The following CNTNAP2 variants were observed in gnomAD, a reference collection of about 807,000 sequenced individuals.
CNTNAP2 encodes the protein contactin-associated protein-like 2.
CNTNAP2 carries 98 observed loss-of-function variants against 155.2 expected under a neutral mutation model. The observed-to-expected ratio is 0.63, with a 90% CI of 0.54 to 0.75. CNTNAP2 has a LOEUF of 0.75. Among genes scored for constraint, CNTNAP2 ranks in the 30% least tolerant of loss-of-function variants. The pLI, the probability that CNTNAP2 is intolerant of heterozygous loss-of-function variation, is 0.00. For missense variants in CNTNAP2, 1,727 were observed against 1,688.1 expected, an observed-to-expected ratio of 1.02 and a Z score of -0.40; for synonymous variants, 651 against 631.2, an observed-to-expected ratio of 1.03 and a Z score of -0.47.
intron 15 of CNTNAP2, among the ~76,000 whole-genome samples, chr7:148,113,902 C>T (rs1804408389): frequency 6.6e-6 from 1 of 152,240 alleles, no homozygotes; most frequent in Non-Finnish European, 1.5e-5. Flanking sequence ...CTGACCCTTC[C>T]AGTCTCAGAC....
Position 148,172,203 on chromosome 7 carries a change from G to T in CNTNAP2, c.2774-39G>T, listed in dbSNP as rs776638481. On this transcript the variant is annotated intron_variant, in intron 17 of 23. Coordinates refer to ENST00000361727, the MANE Select transcript of CNTNAP2 (RefSeq NM_014141.6). ...TATGAAGAATTAAGCAATAGCAGAG[G>T]TTATTCCCTCTGAACTCTGTGCCTT... The T allele has an allele frequency of 1.0e-5, 16 of 1,594,242 alleles. No individual in the cohort carries two copies. The East Asian group carries it at 3.3e-4, about 33-fold the overall frequency.
intron 13 of CNTNAP2, among the ~76,000 whole-genome samples, chr7:147,880,822 C>A (rs968694753): frequency 2.7e-5 from 4 of 150,330 alleles, no homozygotes; most frequent in African/African-American, 7.4e-5. Context: ...TAGACCTTAA[C>A]AAAGACCATT....
intron 8 of CNTNAP2, among the ~76,000 whole-genome samples, chr7:147,145,927 C>G (rs890977601): frequency 7.2e-5 from 11 of 152,144 alleles, no homozygotes; most frequent in Admixed American, 7.2e-4. Context: ...TTGTTTTCTA[C>G]AGATGTCAAG....
At chr7:147,267,197 G>A (rs1584831556) in intron 8 of CNTNAP2, among the ~76,000 whole-genome samples, 1 of 152,168 alleles carries the variant, frequency 6.6e-6, no homozygotes, top group African/African-American at 2.4e-5. Context: ...TTTTGGTATT[G>A]CTGTATCCAT....
chr7:146,739,439 C>T (rs1585067610), intron 1 of CNTNAP2, among the ~76,000 whole-genome samples: 1 of 151,870 alleles, frequency 6.6e-6, no homozygotes, highest in East Asian at 1.9e-4. Context: ...TCTTTAATTT[C>T]CATGCATTTG....
At chr7:146,654,137 G>A (rs1003383957) in intron 1 of CNTNAP2, among the ~76,000 whole-genome samples, 1 of 151,992 alleles carries the variant, frequency 6.6e-6, no homozygotes, top group African/African-American at 2.4e-5. Context: ...ATGCATGGGG[G>A]TAGAACTCTA....
intron 1 of CNTNAP2, among the ~76,000 whole-genome samples, chr7:146,356,534 A>T (rs1459679329): frequency 2.0e-5 from 3 of 152,176 alleles, no homozygotes; most frequent in Non-Finnish European, 4.4e-5. Flanking sequence ...ACAGTGTAAG[A>T]CAGTGGAATC....
At chr7:147,102,348 A>G (rs1800674971) in intron 4 of CNTNAP2, among the ~76,000 whole-genome samples, 1 of 151,524 alleles carries the variant, frequency 6.6e-6, no homozygotes, top group African/African-American at 2.4e-5. Context: ...GATAATGGAT[A>G]TAATAAAAGT....
chr7:146,847,036 T>C (rs150692813), intron 3 of CNTNAP2, among the ~76,000 whole-genome samples: 1 of 152,298 alleles, frequency 6.6e-6, no homozygotes, highest in African/African-American at 2.4e-5. Flanking sequence ...ATGCTAATTT[T>C]TTTTACATTG....
chr7:146,631,407 T>A (rs576294046), intron 1 of CNTNAP2, among the ~76,000 whole-genome samples: 1 of 152,294 alleles, frequency 6.6e-6, no homozygotes, highest in Non-Finnish European at 1.5e-5. Flanking sequence ...TCTGGGCACC[T>A]GTTATTATGG....
chr7:146,477,228 C>T (rs2129127791), intron 1 of CNTNAP2, among the ~76,000 whole-genome samples: 1 of 152,228 alleles, frequency 6.6e-6, no homozygotes, highest in East Asian at 1.9e-4. Flanking sequence ...ACGAATTTAT[C>T]ACTAAGGACC....
rs772109958 is a variant in CNTNAP2 at position 146,163,585 on chromosome 7, C to CTA, written c.97+46628_97+46629dup. ...TATCTATCTATATCTATCTATCTATCTATATATATATATATATCAGGGCGT... is the reference window on the plus strand; with the variant it reads ...TATCTATCTATATCTATCTATCTATCTATATATATATATATATATCAGGGCGT... On this transcript the variant is annotated intron_variant, in intron 1 of 23. Coordinates refer to ENST00000361727, the MANE Select transcript of CNTNAP2 (RefSeq NM_014141.6). 5.8e-3 allele frequency among the ~76,000 whole-genome samples: 531 copies of CTA among 91,172 alleles called. 2 individuals carry two copies. The highest frequency in any genetic ancestry group is 0.03 in the South Asian group (89 of 2,960). 59.8% of individuals were successfully genotyped at this position (91,172 alleles called of 152,430 possible). A position where few individuals can be genotyped will look rare whatever the true frequency, so the allele number is the denominator to read the frequency against.
rs1311390642 is a variant in CNTNAP2, at chr7:147,033,211, G to T, written c.403-10696G>T. Among the ~76,000 whole-genome samples the T allele has an allele frequency of 4.7e-5, 6 of 128,468 alleles. No homozygotes were observed. In the Admixed American group the frequency reaches 5.2e-4, roughly 11 times the overall value. 84.3% of individuals were successfully genotyped at this position (128,468 alleles called of 152,430 possible). A position where few individuals can be genotyped will look rare whatever the true frequency, so the allele number is the denominator to read the frequency against. On this transcript the variant is annotated intron_variant, in intron 3 of 23. Transcript: ENST00000361727. ...ATATATATATATATATATGGAATATGTTGGCATGTCTCACAATGTTTGACA... is the reference window on the plus strand; with the variant it reads ...ATATATATATATATATATGGAATATTTTGGCATGTCTCACAATGTTTGACA...
At chr7:147,935,609 G>C (rs1800594559) in intron 14 of CNTNAP2, among the ~76,000 whole-genome samples, 1 of 152,062 alleles carries the variant, frequency 6.6e-6, no homozygotes, top group Non-Finnish European at 1.5e-5. Flanking sequence ...TATGATTCAA[G>C]GTTATAGATT....
chr7:146,619,378 C>T (rs1210405788), intron 1 of CNTNAP2, among the ~76,000 whole-genome samples: 2 of 152,174 alleles, frequency 1.3e-5, no homozygotes, highest in African/African-American at 2.4e-5. Flanking sequence ...TGAAAACTTA[C>T]TTTACTAAAG....
At chr7:147,344,285 C>A (rs1795811821) in intron 9 of CNTNAP2, among the ~76,000 whole-genome samples, 1 of 152,168 alleles carries the variant, frequency 6.6e-6, no homozygotes, top group Non-Finnish European at 1.5e-5. Flanking sequence ...GCAAAAGACT[C>A]TAAATGCTAT....
At chr7:148,344,267 G>A (rs1383151126) in intron 21 of CNTNAP2, among the ~76,000 whole-genome samples, 1 of 152,120 alleles carries the variant, frequency 6.6e-6, no homozygotes, top group Non-Finnish European at 1.5e-5. Flanking sequence ...TTGATAATAT[G>A]GAGAGCAAAA....
At chr7:147,305,407 GAT>G (rs1173644040) in intron 9 of CNTNAP2, among the ~76,000 whole-genome samples, 1 of 152,122 alleles carries the variant, frequency 6.6e-6, no homozygotes, top group Non-Finnish European at 1.5e-5. Flanking sequence ...ATTTCTTAGT[GAT>G]GGAATACACT....
rs2373274 is a variant in CNTNAP2 at position 147,910,850 on chromosome 7, G to T, written c.2255+7129G>T. ...TTATTACACCTCTGGGTGAGATTTGGGTGGGAACACAGCCAAACCATATCA... is the reference window on the plus strand; with the variant it reads ...TTATTACACCTCTGGGTGAGATTTGTGTGGGAACACAGCCAAACCATATCA... On this transcript the variant is annotated intron_variant, in intron 14 of 23. Coordinates refer to ENST00000361727, the MANE Select transcript of CNTNAP2 (RefSeq NM_014141.6). 6.8e-3 allele frequency among the ~76,000 whole-genome samples: 1,036 copies of T among 152,142 alleles called. 6 individuals are homozygous for T. The highest frequency in any genetic ancestry group is 0.011 in the Non-Finnish European group (749 of 68,012).
Sources: gnomAD v4.1 joint callset for allele counts (sites outside exome capture counted in the v4.1 genomes callset) on GRCh38, gnomAD v4.1.1 for gene constraint, MANE v1.5 for transcripts, NCBI Gene and HGNC (gene_info 2026-07-23, HGNC 2026-07-21) for gene names.